The following TIAM1 variants were observed in gnomAD, a reference collection of about 807,000 sequenced individuals.
TIAM1 encodes the protein rho guanine nucleotide exchange factor TIAM1.
Under a neutral mutation model 163.5 loss-of-function variants are expected in TIAM1, and 65 were observed. The ratio of observed to expected loss-of-function variants is 0.40; its 90% CI spans 0.33 to 0.49. The LOEUF is 0.49. TIAM1 is among the 20% of genes least tolerant of loss of function. The pLI is 0.77. For synonymous variants in TIAM1, 833 were observed against 810.1 expected, an observed-to-expected ratio of 1.03 and a Z score of -0.48; for missense variants, 1,789 against 2,044.7, an observed-to-expected ratio of 0.87 and a Z score of 2.41.
At chr21:31,396,034 T>C (rs1260527527) in intron 2 of TIAM1, among the ~76,000 whole-genome samples, 2 of 152,220 alleles carry the variant, frequency 1.3e-5, no homozygotes, top group Admixed American at 6.5e-5. Context: ...CCCAGAGTGC[T>C]AAACTAAATT....
intron 1 of TIAM1, among the ~76,000 whole-genome samples, chr21:31,530,151 CA>C (rs1484581076): frequency 6.6e-6 from 1 of 152,212 alleles, no homozygotes; most frequent in Non-Finnish European, 1.5e-5. Context: ...TCTCCCAGGG[CA>C]ACCTCATCTG....
At chr21:31,148,004 C>CAAAAAAA (rs34410316) in intron 19 of TIAM1, among the ~76,000 whole-genome samples, 2 of 63,776 alleles carry the variant, frequency 3.1e-5, no homozygotes, top group Non-Finnish European at 5.6e-5. Context: ...TGTCCATGAC[C>CAAAAAAA]AAAAAAAAAA....
intron 1 of TIAM1, among the ~76,000 whole-genome samples, chr21:31,506,574 T>C (rs2047036175): frequency 6.6e-6 from 1 of 152,210 alleles, no homozygotes; most frequent in Non-Finnish European, 1.5e-5. Flanking sequence ...CTAATTTTAC[T>C]TAACGTAATG....
At chr21:31,167,866 A>G (rs1435273248) in intron 15 of TIAM1, among the ~76,000 whole-genome samples, 2 of 152,140 alleles carry the variant, frequency 1.3e-5, no homozygotes, top group Non-Finnish European at 2.9e-5. Context: ...GATACATGAT[A>G]CAGAAAACAG....
chr21:31,173,988 C>T (rs1291902279), intron 15 of TIAM1, among the ~76,000 whole-genome samples: 1 of 152,088 alleles, frequency 6.6e-6, no homozygotes. Context: ...CACAGCAGGC[C>T]GACAGTTTAC....
intron 15 of TIAM1, among the ~76,000 whole-genome samples, chr21:31,178,829 G>A (rs1033280167): frequency 2.6e-5 from 4 of 151,758 alleles, no homozygotes; most frequent in Non-Finnish European, 4.4e-5. Flanking sequence ...TTGGCTCACC[G>A]CAACCTCTGC....
intron 1 of TIAM1, among the ~76,000 whole-genome samples, chr21:31,516,498 G>A (rs183066610): frequency 1.3e-5 from 2 of 152,160 alleles, no homozygotes; most frequent in East Asian, 3.9e-4. Flanking sequence ...AGTCTTCACT[G>A]GCTCCATCAG....
intron 2 of TIAM1, among the ~76,000 whole-genome samples, chr21:31,357,104 A>T (rs2076328537): frequency 6.6e-6 from 1 of 152,200 alleles, no homozygotes; most frequent in African/African-American, 2.4e-5. Flanking sequence ...AATCCATCAG[A>T]CTGCCCAGTT....
chr21:31,552,120 T>C (rs2048713487), intron 1 of TIAM1, among the ~76,000 whole-genome samples: 1 of 139,130 alleles, frequency 7.2e-6, no homozygotes, highest in Non-Finnish European at 1.5e-5. Context: ...TGCAGTGGCG[T>C]GATCTCGGCT....
At chr21:31,219,021 T>G (rs1012558966) in intron 8 of TIAM1, among the ~76,000 whole-genome samples, 4 of 146,626 alleles carry the variant, frequency 2.7e-5, no homozygotes, top group African/African-American at 7.7e-5. Flanking sequence ...AGAGAAGCAT[T>G]TCCTTTTTTT....
chr21:31,451,778 AG>A (rs2044868082), intron 2 of TIAM1, among the ~76,000 whole-genome samples: 1 of 151,682 alleles, frequency 6.6e-6, no homozygotes, highest in Non-Finnish European at 1.5e-5. Flanking sequence ...AGAGAGAGAG[AG>A]AGAGAGAGAG....
In TIAM1 at chr21:31,435,094, T is replaced by C. The variant is rs757066296; in HGVS notation, c.-369+28889A>G. On this transcript the variant is annotated intron_variant, in intron 2 of 28. Transcript: ENST00000286827. ...CCTTCCCTAAGAGTGATCCCCAACA[T>C]TCTTGCCAAGAACTTCGGGGCCACT... Among the ~76,000 whole-genome samples, 109 of 152,290 alleles carry C rather than the reference T, an allele frequency of 7.2e-4. 1 individual carries two copies. The Middle Eastern group carries it at 0.02, about 29-fold the overall frequency.
At chr21:31,440,768 C>G (rs904724287) in intron 2 of TIAM1, among the ~76,000 whole-genome samples, 1 of 152,120 alleles carries the variant, frequency 6.6e-6, no homozygotes, top group Non-Finnish European at 1.5e-5. Context: ...GTAATCCCAG[C>G]TACTGGGGAG....
At position 31,430,273 on chromosome 21, in the gene TIAM1, C is replaced by CATAT. The variant is rs143109113; in HGVS notation, c.-369+33706_-369+33709dup. On this transcript the variant is annotated intron_variant, in intron 2 of 28. Coordinates refer to the TIAM1 transcript ENST00000286827. ...ACACACACACACACACACACACACA[C>CATAT]ATATATATATATATTGCACAGTGGG... Among the ~76,000 whole-genome samples the CATAT allele has an allele frequency of 2.0e-3, 252 of 126,210 alleles. 4 individuals are homozygous for CATAT. Among genetic ancestry groups the CATAT allele is most frequent in the African/African-American group, 8.3e-3 (235 of 28,292 alleles). 82.8% of individuals were successfully genotyped at this position (126,210 alleles called of 152,430 possible). A position where few individuals can be genotyped will look rare whatever the true frequency, so the allele number is the denominator to read the frequency against.
intron 2 of TIAM1, among the ~76,000 whole-genome samples, chr21:31,425,091 A>C (rs2043737603): frequency 6.6e-6 from 1 of 152,042 alleles, no homozygotes; most frequent in Non-Finnish European, 1.5e-5. Context: ...AAAATAGCTA[A>C]GATGGTGAAT....
chr21:31,540,094 AG>A (rs1244024769), intron 1 of TIAM1, among the ~76,000 whole-genome samples: 1 of 152,062 alleles, frequency 6.6e-6, no homozygotes, highest in African/African-American at 2.4e-5. Context: ...AATAAAAGGT[AG>A]GAAGTACAGG....
intron 2 of TIAM1, among the ~76,000 whole-genome samples, chr21:31,366,275 T>C (rs951001862): frequency 9.2e-5 from 14 of 152,138 alleles, no homozygotes; most frequent in African/African-American, 3.4e-4. Flanking sequence ...AAGCAACTCT[T>C]AGTTTGTCAC....
chr21:31,327,643 CAAA>C (rs373702154), intron 2 of TIAM1, among the ~76,000 whole-genome samples: 5 of 69,480 alleles, frequency 7.2e-5, no homozygotes, highest in Admixed American at 1.8e-4. Flanking sequence ...GCCGCCATCT[CAAA>C]AAAAAAAAAA....
chr21:31,321,568 C>G (rs2075314315), intron 2 of TIAM1, among the ~76,000 whole-genome samples: 1 of 150,766 alleles, frequency 6.6e-6, no homozygotes, highest in African/African-American at 2.4e-5. Flanking sequence ...GCCAGCTGGT[C>G]TCAAACTCCT....
Sources: allele counts gnomAD v4.1 joint callset (sites outside exome capture counted in the v4.1 genomes callset), GRCh38; gene constraint gnomAD v4.1.1; transcripts MANE v1.5; gene names NCBI Gene and HGNC (gene_info 2026-07-23, HGNC 2026-07-21).